Variants in PTPN22 observed in about 807,000 individuals in gnomAD.
The protein encoded by PTPN22 is tyrosine-protein phosphatase non-receptor type 22.
PTPN22 carries 85 observed loss-of-function variants against 103.3 expected under a neutral mutation model. That is an observed-to-expected ratio of 0.82 (90% CI 0.69 to 0.99). The LOEUF is 0.99. Among genes scored for constraint, PTPN22 ranks in the 50% least tolerant of loss-of-function variants. The pLI, the probability that PTPN22 is intolerant of heterozygous loss-of-function variation, is 0.00. For missense variants in PTPN22, 865 were observed against 936.9 expected (o/e 0.92, Z 1.00); for synonymous variants, 323 against 310.2 (o/e 1.04, Z -0.43).
At chr1:113,857,356 T>C (rs1390493978) in intron 5 of PTPN22, among the ~76,000 whole-genome samples, 1 of 152,210 alleles carries the variant, frequency 6.6e-6, no homozygotes, top group Non-Finnish European at 1.5e-5. Context: ...AATAATTGAG[T>C]TCCCCAGTCA....
chr1:113,855,020 G>A (rs775358481), exon 8 of PTPN22: 2 of 1,610,524 alleles, frequency 1.2e-6, no homozygotes, highest in Non-Finnish European at 1.7e-6. Context: ...GCCAATTCTT[G>A]TAATGAAACT....
At chr1:113,858,891 A>G (rs1392443913) in intron 3 of PTPN22, 111 bp downstream of exon 3, 30 of 1,465,152 alleles carry the variant, frequency 2.0e-5, no homozygotes, top group Non-Finnish European at 2.6e-5. Context: ...TTTCCGCCTC[A>G]GCCTCCCAAA....
rs1664915911 is a variant in PTPN22 at position 113,854,971 on chromosome 1, CA to C, written c.618del (p.Glu207SerfsTer41). The C allele has an allele frequency of 6.2e-7, 1 of 1,609,110 alleles. No individual in the cohort carries two copies. Among genetic ancestry groups the C allele is most frequent in the East Asian group, 2.2e-5 (1 of 44,852 alleles). On this transcript the variant is annotated frameshift_variant, in exon 8 of 21. Transcript: ENST00000359785. LOFTEE classifies it high-confidence loss of function. ...TAACAACGTACATCCCAGATGAGCTCAAGAATAGGGTCTATAGATGAAGGTA... is the reference window on the plus strand; with the variant it reads ...TAACAACGTACATCCCAGATGAGCTCAGAATAGGGTCTATAGATGAAGGTA...
At position 113,819,568 on chromosome 1, in the gene PTPN22, C is replaced by T. The variant is rs886386534; in HGVS notation, c.2359+9G>A. On this transcript the variant is annotated intron_variant, in intron 20 of 20. Transcript: ENST00000359785. ...TTTTTTTAACTCTTCAGTAAAATAA[C>T]ACACATACCAAAATTCAGAAATGAG... 3.2e-6 allele frequency: 5 copies of T among 1,582,762 alleles called. No individual in the cohort carries two copies. The highest frequency in any genetic ancestry group is 1.3e-5 in the African/African-American group (1 of 74,332).
chr1:113,826,826 C>A (rs1324242361), intron 18 of PTPN22, among the ~76,000 whole-genome samples: 3 of 150,838 alleles, frequency 2.0e-5, no homozygotes, highest in African/African-American at 7.3e-5. Flanking sequence ...CCCGCCACTA[C>A]GCCCGGCTAA....
At chr1:113,870,032 ATCCGGTACCAGAGTGTTAGC>A (rs1666446625) in intron 1 of PTPN22, among the ~76,000 whole-genome samples, 1 of 152,168 alleles carries the variant, frequency 6.6e-6, no homozygotes, top group African/African-American at 2.4e-5. Context: ...CACATCTGCT[ATCCGGTACCAGAGTGTTAGC>A]TCCAGGAGGC....
intron 11 of PTPN22, among the ~76,000 whole-genome samples, chr1:113,844,999 G>A (rs930589060): frequency 7.9e-5 from 12 of 151,932 alleles, no homozygotes; most frequent in African/African-American, 2.7e-4. Flanking sequence ...TTTAATTTTT[G>A]TAGAGACGGG....
At chr1:113,832,617 A>G (rs560220377) in intron 16 of PTPN22, among the ~76,000 whole-genome samples, 30 of 152,330 alleles carry the variant, frequency 2.0e-4, no homozygotes, top group Admixed American at 3.3e-4. Flanking sequence ...TATGTATTTG[A>G]ATAATATGAC....
At position 113,832,441 on chromosome 1, in the gene PTPN22, G is replaced by A. The variant is rs1450416341; in HGVS notation, c.2053+670C>T. Among the ~76,000 whole-genome samples, 3 of 152,192 alleles carry A rather than the reference G, an allele frequency of 2.0e-5. No individual in the cohort carries two copies. In the East Asian group the frequency reaches 5.8e-4, roughly 29 times the overall value. On this transcript the variant is annotated intron_variant, in intron 16 of 20. Transcript: ENST00000359785. ...GATCCGCCAGCTTTGGCCTCCCAAA[G>A]TGCTGGGATTACAGGTGTGAGCCAC...
At chr1:113,865,860 T>C (rs943821864) in intron 1 of PTPN22, among the ~76,000 whole-genome samples, 15 of 152,366 alleles carry the variant, frequency 9.8e-5, no homozygotes, top group Non-Finnish European at 1.9e-4. Flanking sequence ...CTTATTATCT[T>C]CACAGCAGTT....
exon 13 of PTPN22, chr1:113,838,161 T>C (rs767095113): frequency 4.3e-6 from 7 of 1,614,154 alleles, no homozygotes; most frequent in Non-Finnish European, 5.9e-6. Context: ...AATCCAAACT[T>C]TGATGCTTCT....
At chr1:113,837,872 G>A (rs542764663) in exon 13 of PTPN22, 47 of 1,614,088 alleles carry the variant, frequency 2.9e-5, no homozygotes, top group South Asian at 2.7e-4. Flanking sequence ...GAGGCATTAC[G>A]TATTTGGTGT....
intron 20 of PTPN22, 88 bp from the exon 21 acceptor site, chr1:113,815,057 G>T: frequency 1.1e-6 from 1 of 908,154 alleles, no homozygotes; most frequent in Non-Finnish European, 1.7e-6. Context: ...TATAATATAT[G>T]CAAATACATG....
At chr1:113,865,196 G>A (rs1486110218) in intron 1 of PTPN22, among the ~76,000 whole-genome samples, 1 of 152,168 alleles carries the variant, frequency 6.6e-6, no homozygotes, top group Non-Finnish European at 1.5e-5. Flanking sequence ...GTGGAAAGTA[G>A]ATGAACAGAA....
chr1:113,838,489 G>T, intron 12 of PTPN22, 55 bp downstream of exon 12: 1 of 1,603,078 alleles, frequency 6.2e-7, no homozygotes, highest in South Asian at 1.1e-5. Flanking sequence ...ATAAGCATGA[G>T]ATTCATCTCC....
chr1:113,854,910 C>A (rs1178976963), exon 8 of PTPN22: 19 of 1,613,128 alleles, frequency 1.2e-5, no homozygotes, highest in Non-Finnish European at 1.6e-5. Context: ...GTCATACCTG[C>A]AGTGAATGCA....
At chr1:113,862,344 G>T (rs1571466861) in intron 1 of PTPN22, among the ~76,000 whole-genome samples, 1 of 152,108 alleles carries the variant, frequency 6.6e-6, no homozygotes, top group East Asian at 1.9e-4. Context: ...AACATCCCTC[G>T]TGGGCCCTGA....
intron 10 of PTPN22, among the ~76,000 whole-genome samples, chr1:113,850,206 AAG>A (rs1485460439): frequency 6.4e-5 from 2 of 31,492 alleles, no homozygotes; most frequent in Non-Finnish European, 1.3e-4. Context: ...CAAAAGAAGG[AAG>A]GAAGGAAGGA....
At chr1:113,837,538 T>C (rs1406804538) in intron 13 of PTPN22, 52 bp downstream of exon 13, 8 of 1,324,412 alleles carry the variant, frequency 6.0e-6, no homozygotes, top group African/African-American at 6.0e-5. Context: ...AACTATTCTA[T>C]AGAAACAAAA....
Sources: gnomAD v4.1 joint callset for allele counts (sites outside exome capture counted in the v4.1 genomes callset) on GRCh38, gnomAD v4.1.1 for gene constraint, MANE v1.5 for transcripts, NCBI Gene and HGNC (gene_info 2026-07-23, HGNC 2026-07-21) for gene names.